Variants in SKIC3 observed in about 807,000 individuals in gnomAD.
SKIC3 encodes the protein superkiller complex protein 3.
chr5:95,524,467 T>A, the SKIC3 span: 1 of 1,612,876 alleles, frequency 6.2e-7, no homozygotes. Context: ...TGCTTTACCT[T>A]CAGAAAGTGG....
At chr5:95,520,678 T>C in the SKIC3 span, 17 of 1,519,382 alleles carry the variant, frequency 1.1e-5, no homozygotes, top group Admixed American at 1.8e-5. Flanking sequence ...ATTTTAATAT[T>C]ACAAAAATAA....
chr5:95,466,604 T>C, the SKIC3 span, among the ~76,000 whole-genome samples: 42 of 152,304 alleles, frequency 2.8e-4, no homozygotes, highest in South Asian at 2.9e-3. Context: ...AAAAGAGAAA[T>C]ATAGGCAGGC....
At chr5:95,502,778 C>A in the SKIC3 span, 2 of 1,516,734 alleles carry the variant, frequency 1.3e-6, no homozygotes, top group Non-Finnish European at 1.8e-6. Flanking sequence ...CTTTTGTTCA[C>A]CCAAAAGTTC....
the SKIC3 span, among the ~76,000 whole-genome samples, chr5:95,465,801 A>C: frequency 6.6e-6 from 1 of 152,144 alleles, no homozygotes; most frequent in African/African-American, 2.4e-5. Flanking sequence ...AGGAATATCT[A>C]CCCTTTGTTC....
At chr5:95,519,399 A>G in the SKIC3 span, among the ~76,000 whole-genome samples, 1 of 152,060 alleles carries the variant, frequency 6.6e-6, no homozygotes, top group African/African-American at 2.4e-5. Context: ...CATGGAGTCC[A>G]GCCAAAAATA....
chr5:95,520,670 T>G, the SKIC3 span: 10 of 1,491,756 alleles, frequency 6.7e-6, no homozygotes, highest in Non-Finnish European at 9.1e-6. Flanking sequence ...TTGGCTTCAT[T>G]TTAATATTAC....
At chr5:95,516,735 C>T in the SKIC3 span, 5 of 1,613,086 alleles carry the variant, frequency 3.1e-6, no homozygotes, top group South Asian at 2.2e-5. Flanking sequence ...TCGAGTCTCA[C>T]TGCTTTTTTC....
At chr5:95,484,651 A>G in the SKIC3 span, 1 of 1,605,948 alleles carries the variant, frequency 6.2e-7, no homozygotes, top group South Asian at 1.1e-5. Context: ...CTAGCCTCAT[A>G]CATTCCATTT....
chr5:95,507,968 T>C, the SKIC3 span, among the ~76,000 whole-genome samples: 1 of 152,002 alleles, frequency 6.6e-6, no homozygotes, highest in East Asian at 1.9e-4. Context: ...AGCTGCCTAG[T>C]TTTCTCTGTT....
At chr5:95,539,820 G>A in the SKIC3 span, among the ~76,000 whole-genome samples, 4 of 146,406 alleles carry the variant, frequency 2.7e-5, no homozygotes, top group Admixed American at 2.0e-4. Flanking sequence ...CTCCAGCCTG[G>A]GCAACAGAGT....
chr5:95,486,788 T>A, the SKIC3 span, among the ~76,000 whole-genome samples: 427 of 152,230 alleles, frequency 2.8e-3, 4 homozygotes, highest in Non-Finnish European at 4.2e-3. Flanking sequence ...GTGTGCTCAG[T>A]CCATTGCAGC....
chr5:95,477,187 T>A, the SKIC3 span, among the ~76,000 whole-genome samples: 1 of 149,830 alleles, frequency 6.7e-6, no homozygotes, highest in African/African-American at 2.5e-5. Flanking sequence ...AATAGTGAAC[T>A]ACAATTAGTT....
the SKIC3 span, among the ~76,000 whole-genome samples, chr5:95,500,897 G>A: frequency 6.6e-6 from 1 of 151,982 alleles, no homozygotes; most frequent in African/African-American, 2.4e-5. Context: ...GACTATTTTT[G>A]GAAGGGGGAA....
At chr5:95,525,413 A>T in the SKIC3 span, 1 of 1,613,966 alleles carries the variant, frequency 6.2e-7, no homozygotes, top group South Asian at 1.1e-5. Context: ...TTCTGCTTGT[A>T]GATAGTCCTT....
chr5:95,530,292 A>G, the SKIC3 span: 1 of 1,584,626 alleles, frequency 6.3e-7, no homozygotes, highest in Non-Finnish European at 8.6e-7. Flanking sequence ...CCAAACCCAT[A>G]TTCTTAAATC....
chr5:95,480,472 T>C, the SKIC3 span, among the ~76,000 whole-genome samples: 1 of 152,160 alleles, frequency 6.6e-6, no homozygotes, highest in Non-Finnish European at 1.5e-5. Context: ...TCATTAGATA[T>C]CAGGTAAACA....
chr5:95,543,154 A>G, the SKIC3 span: 15 of 1,612,378 alleles, frequency 9.3e-6, no homozygotes, highest in South Asian at 6.6e-5. Flanking sequence ...ATCCATTTCC[A>G]TAATACAGAA....
chr5:95,508,340 T>G, the SKIC3 span, among the ~76,000 whole-genome samples: 2 of 152,244 alleles, frequency 1.3e-5, no homozygotes, highest in African/African-American at 4.8e-5. Flanking sequence ...ATGAGATCAA[T>G]AGTTATTTTC....
the SKIC3 span, chr5:95,464,699 C>G: frequency 6.3e-7 from 1 of 1,594,718 alleles, no homozygotes; most frequent in Non-Finnish European, 8.6e-7. Context: ...AAATCACATA[C>G]AGGAACGTCA....
Sources: allele counts gnomAD v4.1 joint callset (sites outside exome capture counted in the v4.1 genomes callset), GRCh38; gene constraint gnomAD v4.1.1; transcripts MANE v1.5; gene names NCBI Gene and HGNC (gene_info 2026-07-23, HGNC 2026-07-21).